Variants in ST18 observed in about 807,000 individuals in gnomAD.
ST18 encodes the protein suppression of tumorigenicity 18 protein.
ST18 carries 50 observed loss-of-function variants against 110.0 expected under a neutral mutation model. The ratio of observed to expected loss-of-function variants is 0.45; its 90% CI spans 0.36 to 0.58. The LOEUF is 0.58. Among genes scored for constraint, ST18 ranks in the 20% least tolerant of loss-of-function variants. The pLI is 0.00. For missense variants in ST18, 1,306 were observed against 1,280.1 expected (o/e 1.02, Z -0.31); for synonymous variants, 461 against 452.4 (o/e 1.02, Z -0.24).
Position 52,180,156 on chromosome 8 carries a change from A to G in ST18, c.243T>C (p.Asp81=). The change falls in exon 9 of 26, where the codon GAT becomes GAC. Residue 81 remains aspartate (D), a synonymous_variant. Coordinates refer to ENST00000689386, the MANE Select transcript of ST18 (RefSeq NM_001352837.2). ...AGTGACCATGTGTTTCCAAGGGGCC[A>G]TCGTCCTCTGTCCTGTCACTGCGGT... ...QEDRSDRTED[D]GPLETHGHST... is the part of the protein sequence containing the mutation. 1 of 1,614,076 alleles carries G rather than the reference A, an allele frequency of 6.2e-7. No homozygotes were observed. Among genetic ancestry groups the G allele is most frequent in the Non-Finnish European group, 8.5e-7 (1 of 1,180,014 alleles).
intron 2 of ST18, among the ~76,000 whole-genome samples, chr8:52,259,461 G>C (rs1225214553): frequency 6.6e-6 from 1 of 152,134 alleles, no homozygotes; most frequent in Non-Finnish European, 1.5e-5. Flanking sequence ...ATTTGCAAAA[G>C]TAGTTATATT....
chr8:52,113,450 G>A, intron 25 of ST18, 112 bp from the exon 26 acceptor site: 4 of 1,265,872 alleles, frequency 3.2e-6, no homozygotes, highest in African/African-American at 1.5e-5. Flanking sequence ...GAAGGCAAGG[G>A]TGCATATGAC....
intron 2 of ST18, among the ~76,000 whole-genome samples, chr8:52,329,689 A>T (rs957599109): frequency 2.6e-5 from 4 of 152,154 alleles, no homozygotes; most frequent in African/African-American, 9.7e-5. Context: ...CAGGAGGCAG[A>T]GGTTGCAGTG....
chr8:52,351,962 G>A (rs1357128948), intron 2 of ST18, among the ~76,000 whole-genome samples: 2 of 152,112 alleles, frequency 1.3e-5, no homozygotes. Context: ...CAATTTTATA[G>A]AGATCAAAAA....
intron 2 of ST18, among the ~76,000 whole-genome samples, chr8:52,378,896 G>A (rs1833423611): frequency 6.6e-6 from 1 of 152,040 alleles, no homozygotes; most frequent in Admixed American, 6.5e-5. Flanking sequence ...AAGCAAAATA[G>A]ACCTATGTGA....
At position 52,172,062 on chromosome 8, in the gene ST18, G is replaced by A. The variant is rs1289306705; in HGVS notation, c.799C>T (p.Leu267=). 1.2e-6 allele frequency: 2 copies of A among 1,614,224 alleles called. No individual in the cohort carries two copies. The highest frequency in any genetic ancestry group is 1.7e-6 in the Non-Finnish European group (2 of 1,180,048). ...AATGAGGGCTGGGCATTGCCATCCA[G>A]GGGTTCTGCGAGAGCATTCTGCGGG... ...KDPQNALAEP[L]DGNAQPSFPD... Residue 267 remains leucine, a synonymous_variant, in exon 10 of 26, where the codon CTG becomes TTG. Transcript: ENST00000689386.
intron 2 of ST18, among the ~76,000 whole-genome samples, chr8:52,330,637 C>T (rs2140060112): frequency 1.3e-5 from 2 of 152,340 alleles, no homozygotes; most frequent in Admixed American, 1.3e-4. Flanking sequence ...AGTACAGCTT[C>T]CACGCATTAT....
At chr8:52,329,509 C>G (rs1240598243) in intron 2 of ST18, among the ~76,000 whole-genome samples, 6 of 152,154 alleles carry the variant, frequency 3.9e-5, no homozygotes, top group Non-Finnish European at 8.8e-5. Context: ...AATCCTAGCA[C>G]TTTGGGAGAC....
chr8:52,220,212 T>A (rs1185363132), intron 5 of ST18, among the ~76,000 whole-genome samples: 1 of 152,230 alleles, frequency 6.6e-6, no homozygotes, highest in African/African-American at 2.4e-5. Flanking sequence ...GAGATGCATC[T>A]GTTGCAAAAT....
At chr8:52,335,269 T>C (rs1811500457) in intron 2 of ST18, among the ~76,000 whole-genome samples, 1 of 152,046 alleles carries the variant, frequency 6.6e-6, no homozygotes, top group Non-Finnish European at 1.5e-5. Flanking sequence ...AGGTTCTAGG[T>C]TCCTGAGAAT....
intron 10 of ST18, among the ~76,000 whole-genome samples, chr8:52,170,819 A>G (rs1007854469): frequency 6.6e-6 from 1 of 152,196 alleles, no homozygotes; most frequent in African/African-American, 2.4e-5. Context: ...TTATTTGTCA[A>G]GATTGCAGGT....
chr8:52,172,674 T>G (rs757741573), intron 9 of ST18, 91 bp from the exon 10 acceptor site: 7 of 960,842 alleles, frequency 7.3e-6, no homozygotes, highest in Non-Finnish European at 7.5e-6. Flanking sequence ...AACATATGCA[T>G]TCACATACAT....
intron 2 of ST18, among the ~76,000 whole-genome samples, chr8:52,269,831 C>T (rs2095012213): frequency 6.6e-6 from 1 of 152,180 alleles, no homozygotes; most frequent in African/African-American, 2.4e-5. Flanking sequence ...TATGTTGGAT[C>T]TCTGACCCAG....
intron 2 of ST18, among the ~76,000 whole-genome samples, chr8:52,301,667 T>C (rs2095723963): frequency 6.6e-6 from 1 of 152,196 alleles, no homozygotes; most frequent in African/African-American, 2.4e-5. Flanking sequence ...ATTGTCACAT[T>C]ATTCAACATT....
intron 2 of ST18, among the ~76,000 whole-genome samples, chr8:52,295,710 CTTTTTTTT>C (rs371927202): frequency 2.3e-4 from 30 of 130,828 alleles, no homozygotes; most frequent in African/African-American, 8.2e-4. Flanking sequence ...TCTTTTTTTC[CTTTTTTTT>C]TTTTTTTTTT....
chr8:52,260,343 T>C (rs534157551), intron 2 of ST18, among the ~76,000 whole-genome samples: 1 of 152,254 alleles, frequency 6.6e-6, no homozygotes, highest in African/African-American at 2.4e-5. Flanking sequence ...ATGGATAAAG[T>C]TCTTGTTCTT....
At chr8:52,345,938 T>C (rs1032787370) in intron 2 of ST18, among the ~76,000 whole-genome samples, 8 of 152,088 alleles carry the variant, frequency 5.3e-5, no homozygotes, top group African/African-American at 1.7e-4. Flanking sequence ...AGAAAAGTTA[T>C]ACTTTCTACC....
chr8:52,201,603 G>GAAACAAA (rs1378238536), intron 8 of ST18, among the ~76,000 whole-genome samples: 3 of 133,498 alleles, frequency 2.2e-5, no homozygotes, highest in East Asian at 2.0e-4. Context: ...AGAATCCTTA[G>GAAACAAA]AAACAAAAAA....
chr8:52,381,531 T>G (rs1297646231), intron 2 of ST18, among the ~76,000 whole-genome samples: 1 of 152,232 alleles, frequency 6.6e-6, no homozygotes, highest in Admixed American at 6.5e-5. Flanking sequence ...TCAAAACAAC[T>G]GCTCTTACAA....
Sources: gnomAD v4.1 joint callset for allele counts (sites outside exome capture counted in the v4.1 genomes callset) on GRCh38, gnomAD v4.1.1 for gene constraint, MANE v1.5 for transcripts, NCBI Gene and HGNC (gene_info 2026-07-23, HGNC 2026-07-21) for gene names.